Variants in ITK observed in about 807,000 individuals in gnomAD.
ITK encodes the protein IL2 inducible T cell kinase.
A neutral mutation model predicts 87.6 loss-of-function variants in ITK; 45 were observed. That is an observed-to-expected ratio of 0.51 (90% CI 0.40 to 0.66). ITK has a LOEUF of 0.66. ITK is among the 30% of genes least tolerant of loss of function. The pLI is 0.00. For synonymous variants in ITK, 303 were observed against 273.6 expected, an observed-to-expected ratio of 1.11 and a Z score of -1.06; for missense variants, 605 against 766.3, an observed-to-expected ratio of 0.79 and a Z score of 2.48.
At chr5:157,221,334 C>G (rs62382966) in intron 5 of ITK, among the ~76,000 whole-genome samples, 27,300 of 152,032 alleles carry the variant, frequency 0.18, 3,271 homozygotes, top group African/African-American at 0.35. Context: ...AAAGCATAGT[C>G]TTCCCTCAAA....
At chr5:157,191,427 G>T (rs1753752591) in intron 1 of ITK, among the ~76,000 whole-genome samples, 1 of 152,132 alleles carries the variant, frequency 6.6e-6, no homozygotes, top group Admixed American at 6.5e-5. Context: ...TTAATCTCAA[G>T]ACAGAGCAAG....
chr5:157,195,596 T>C (rs1222689220), intron 1 of ITK: 2 of 152,368 alleles, frequency 1.3e-5, no homozygotes, highest in East Asian at 3.8e-4. Context: ...GTCACATTGC[T>C]GTCCTACATC....
intron 5 of ITK, 129 bp downstream of exon 5, chr5:157,218,036 C>A: frequency 1.2e-6 from 1 of 825,324 alleles, no homozygotes; most frequent in Non-Finnish European, 2.1e-6. Context: ...TGTCATGATT[C>A]AGCAGAACTC....
At chr5:157,232,848 A>G (rs1754687623) in intron 8 of ITK, among the ~76,000 whole-genome samples, 1 of 152,174 alleles carries the variant, frequency 6.6e-6, no homozygotes, top group South Asian at 2.1e-4. Context: ...ATGGCTGGCC[A>G]TGGGGTGCCA....
intron 4 of ITK, 93 bp from the exon 5 acceptor site, chr5:157,217,774 C>A (rs1404575400): frequency 1.8e-6 from 2 of 1,114,742 alleles, no homozygotes; most frequent in Non-Finnish European, 2.7e-6. Context: ...TCCCTGGGCC[C>A]TTTTTCTCAG....
chr5:157,238,220 G>GTTTCTCTCCACTTT, intron 9 of ITK, 29 bp downstream of exon 9: 1 of 1,519,950 alleles, frequency 6.6e-7, no homozygotes, highest in Admixed American at 1.7e-5. Context: ...TCAGCAAAGT[G>GTTTCTCTCCACTTT]GAGAGAAACA....
At chr5:157,238,071 T>G in intron 8 of ITK, 38 bp from the exon 9 acceptor site, 153 of 1,501,616 alleles carry the variant, frequency 1.0e-4, no homozygotes, top group Middle Eastern at 1.7e-4. Flanking sequence ...CCTGGTTTCC[T>G]GAGATCACTA....
chr5:157,200,366 G>A (rs1259459923), intron 1 of ITK, among the ~76,000 whole-genome samples: 6 of 152,168 alleles, frequency 3.9e-5, no homozygotes, highest in Admixed American at 3.3e-4. Flanking sequence ...AATGAGAGCA[G>A]GTTGTACTTG....
At chr5:157,216,195 A>G (rs1754294946) in intron 4 of ITK, among the ~76,000 whole-genome samples, 1 of 152,164 alleles carries the variant, frequency 6.6e-6, no homozygotes, top group Admixed American at 6.5e-5. Context: ...CAAGAAGCAC[A>G]CTGCACTGTG....
intron 16 of ITK, among the ~76,000 whole-genome samples, chr5:157,249,987 C>G (rs1580912426): frequency 6.6e-6 from 1 of 152,058 alleles, no homozygotes; most frequent in Non-Finnish European, 1.5e-5. Flanking sequence ...TTCTCATATG[C>G]CCACCTCACC....
chr5:157,197,937 T>C (rs1753883840), intron 1 of ITK, among the ~76,000 whole-genome samples: 1 of 152,172 alleles, frequency 6.6e-6, no homozygotes, highest in South Asian at 2.1e-4. Flanking sequence ...GGGAAATGTA[T>C]TTATTCATTT....
intron 1 of ITK, among the ~76,000 whole-genome samples, chr5:157,208,556 T>C (rs997899640): frequency 1.3e-5 from 2 of 152,180 alleles, no homozygotes; most frequent in East Asian, 1.9e-4. Context: ...AAAATTGTCA[T>C]ATGTGTGTCC....
At chr5:157,234,716 G>A (rs562975465) in intron 8 of ITK, among the ~76,000 whole-genome samples, 1 of 152,244 alleles carries the variant, frequency 6.6e-6, no homozygotes, top group African/African-American at 2.4e-5. Context: ...AGTGGGAGAT[G>A]AACAACAAGA....
intron 1 of ITK, chr5:157,195,763 G>A (rs1008273391): frequency 6.6e-6 from 1 of 152,152 alleles, no homozygotes; most frequent in African/African-American, 2.4e-5. Flanking sequence ...GGTTAACAAT[G>A]TATCCTGGAG....
At position 157,240,132 on chromosome 5, in the gene ITK, G is replaced by T. The variant is rs771829181; in HGVS notation, c.922G>T (p.Ala308Ser). The stretch of plus-strand genomic sequence containing the variant: ...TGACAATCCTAAGCGATACTATGTG[G>T]CTGAAAAGTATGTGTTCGATTCCAT... ...TNDNPKRYYV[A>S]EKYVFDSIPL... Residue 308 changes from alanine (A) to serine (S), a missense_variant, in exon 10 of 17, where the codon GCT becomes TCT. This residue lies in a region of ITK where 464 missense variants were observed against 578.0 expected (regional missense o/e 0.80). Coordinates refer to ENST00000422843, the MANE Select transcript of ITK (RefSeq NM_005546.4). 11 of 1,613,630 alleles carry T rather than the reference G, an allele frequency of 6.8e-6. No homozygotes were observed. Among genetic ancestry groups the T allele is most frequent in the Non-Finnish European group, 8.5e-6 (10 of 1,179,650 alleles).
chr5:157,251,547 G>A (rs1270377190), intron 16 of ITK, among the ~76,000 whole-genome samples: 2 of 152,118 alleles, frequency 1.3e-5, no homozygotes, highest in Non-Finnish European at 2.9e-5. Context: ...TTGTGCTTTT[G>A]ATTTACATCT....
intron 1 of ITK, among the ~76,000 whole-genome samples, chr5:157,202,072 T>C (rs1353920833): frequency 1.3e-5 from 2 of 152,224 alleles, no homozygotes; most frequent in East Asian, 1.9e-4. Context: ...TACGAGAACA[T>C]GCAGCATTTG....
At chr5:157,219,025 A>T (rs1431228794) in intron 5 of ITK, among the ~76,000 whole-genome samples, 7 of 152,022 alleles carry the variant, frequency 4.6e-5, no homozygotes, top group African/African-American at 1.7e-4. Context: ...GATGAAAAAA[A>T]AAAGATGGGG....
rs1427135790 is a variant in ITK, at chr5:157,181,132, A to G, written c.138+17A>G. The G allele has an allele frequency of 1.2e-6, 2 of 1,613,912 alleles. No homozygotes were observed. The highest frequency in any genetic ancestry group is 4.5e-5 in the East Asian group (2 of 44,886). On this transcript the variant is annotated intron_variant, in intron 1 of 16. Transcript: ENST00000422843. The stretch of plus-strand genomic sequence containing the variant: ...CGTCATGGGGTATGTGAGCAGTTTC[A>G]TTTGTCTTTTTTCGCATAGCATTTT...
Sources: gnomAD v4.1 joint callset for allele counts (sites outside exome capture counted in the v4.1 genomes callset) on GRCh38, gnomAD v4.1.1 for gene constraint, gnomAD v4.1.1 regional missense constraint, MANE v1.5 for transcripts, NCBI Gene and HGNC (gene_info 2026-07-23, HGNC 2026-07-21) for gene names.